Variants in PLXNA3 observed in about 807,000 individuals in gnomAD.
The protein encoded by PLXNA3 is plexin A3.
A neutral mutation model predicts 118.8 loss-of-function variants in PLXNA3; 52 were observed. That is an observed-to-expected ratio of 0.44 (90% CI 0.35 to 0.55). The LOEUF (loss-of-function observed/expected upper bound fraction) is 0.55, where lower values mean the gene tolerates loss of function less well. PLXNA3 is among the 20% of genes least tolerant of loss of function. The pLI is 0.01. For synonymous variants in PLXNA3, 925 were observed against 762.4 expected, an observed-to-expected ratio of 1.21 and a Z score of -3.51; for missense variants, 1,660 against 1,730.8, an observed-to-expected ratio of 0.96 and a Z score of 0.73.
chrX:154,466,520 G>A lies in PLXNA3; in HGVS notation c.2936+8G>A, dbSNP rs374246725. Reference sequence around the variant, plus strand: ...CGAGTGCCAGTTTGTAAGGTGGGCCGGGGCCCTGCCAGCTTTGGGTTGGGC... The same window carrying A: ...CGAGTGCCAGTTTGTAAGGTGGGCCAGGGCCCTGCCAGCTTTGGGTTGGGC... On this transcript the variant is annotated splice_region_variant and intron_variant, in intron 16 of 32. Coordinates refer to ENST00000369682, the MANE Select transcript of PLXNA3 (RefSeq NM_017514.5). 7.0e-4 allele frequency: 845 copies of A among 1,201,678 alleles called. No individual in the cohort carries two copies. The highest frequency in any genetic ancestry group is 9.3e-4 in the Non-Finnish European group (825 of 890,614).
In PLXNA3 at chrX:154,463,704, C is replaced by T; in HGVS notation, c.1547+14C>T. The T allele has an allele frequency of 8.6e-7, 1 of 1,165,372 alleles. No individual in the cohort carries two copies. Among genetic ancestry groups the T allele is most frequent in the Non-Finnish European group, 1.2e-6 (1 of 866,893 alleles). On this transcript the variant is annotated intron_variant, in intron 6 of 32. Coordinates refer to ENST00000369682, the MANE Select transcript of PLXNA3 (RefSeq NM_017514.5). ...GCTGCGACACAGGTGAGGGCGGGGACCCCTGCTCGGGGAGTTGGAGGGCCC... is the reference window on the plus strand; with the variant it reads ...GCTGCGACACAGGTGAGGGCGGGGATCCCTGCTCGGGGAGTTGGAGGGCCC...
chrX:154,464,222 G>A lies in PLXNA3; in HGVS notation c.1737G>A (p.Ala579=), dbSNP rs151275064. The change falls in exon 8 of 33, where the codon GCG becomes GCA. Residue 579 remains alanine, a synonymous_variant. Coordinates refer to ENST00000369682, the MANE Select transcript of PLXNA3 (RefSeq NM_017514.5). ...SAGVSCAFEA[A]AENEAVLLPS... Reference sequence around the variant, plus strand: ...GCGTGAGCTGCGCCTTCGAGGCGGCGGCGGAGAACGAGGCGGTCCTGCTGC... The same window carrying A: ...GCGTGAGCTGCGCCTTCGAGGCGGCAGCGGAGAACGAGGCGGTCCTGCTGC... 1.4e-3 allele frequency: 1,688 copies of A among 1,207,173 alleles called. No individual in the cohort carries two copies. The highest frequency in any genetic ancestry group is 1.8e-3 in the Non-Finnish European group (1,580 of 894,258).
Position 154,461,576 on chromosome X carries a change from C to A in PLXNA3, c.1072C>A (p.Arg358Ser). 1 of 1,206,860 alleles carries A rather than the reference C, an allele frequency of 8.3e-7. No homozygotes were observed. Among genetic ancestry groups the A allele is most frequent in the Non-Finnish European group, 1.1e-6 (1 of 895,070 alleles). The part of the protein sequence containing the change: ...HIRRRIQSCY[R>S]GEGTLALPWL... ...CCGGCGCCGCATCCAGTCCTGCTAT[C>A]GTGGGGAGGGCACTCTGGCTCTGCC... Residue 358 changes from arginine (R) to serine (S), a missense_variant, in exon 3 of 33, where the codon CGT becomes AGT. Transcript: ENST00000369682.
At chrX:154,460,866 G>A in intron 2 of PLXNA3, 89 bp downstream of exon 2, 1 of 728,457 alleles carries the variant, frequency 1.4e-6, no homozygotes, top group Non-Finnish European at 2.0e-6. Context: ...GGGACTTTCG[G>A]CTCCTCAGTG....
At position 154,471,157 on chromosome X, in the gene PLXNA3, G is replaced by A. The variant is rs1557209335; in HGVS notation, c.5209G>A (p.Asp1737Asn). 1.7e-6 allele frequency: 2 copies of A among 1,210,984 alleles called. No individual in the cohort carries two copies. Among genetic ancestry groups the A allele is most frequent in the Non-Finnish European group, 2.2e-6 (2 of 895,020 alleles). ...GATCAAGAACCCGCAGTTCGTGTTC[G>A]ACATCCACAAGAACAGCATCACGGA... ...NVIKNPQFVF[D>N]IHKNSITDAC... The change falls in exon 31 of 33, where the codon GAC becomes AAC. Residue 1737 changes from aspartate to asparagine, a missense_variant. Physicochemically the swap from Asp to Asn is conservative, Grantham distance 23. Transcript: ENST00000369682.
rs781867355 is a variant in PLXNA3, at chrX:154,460,173, G to C, written c.-11G>C. On this transcript the variant is annotated 5_prime_UTR_variant, in exon 2 of 33. Transcript: ENST00000369682. ...TCTCCCTAGGCCTGTCCCCAGGCGC[G>C]GCTGCCGGCCATGCCCTCTGTCTGC... The C allele has an allele frequency of 2.7e-5, 32 of 1,168,157 alleles. No homozygotes were observed. The highest frequency in any genetic ancestry group is 3.6e-5 in the Non-Finnish European group (31 of 861,290).
At position 154,467,938 on chromosome X, in the gene PLXNA3, C is replaced by G. The variant is rs1557207940; in HGVS notation, c.3757C>G (p.Leu1253Val). 8.3e-7 allele frequency: 1 copy of G among 1,211,099 alleles called. No homozygotes were observed. The highest frequency in any genetic ancestry group is 1.1e-6 in the Non-Finnish European group (1 of 895,292). Residue 1253 changes from leucine (L) to valine (V), a missense_variant, in exon 21 of 33, where the codon CTC becomes GTC. Physicochemically the swap from Leu to Val is conservative, Grantham distance 32. Transcript: ENST00000369682. ...KRKTQDADRTLKRLQLQMDNL... is the reference protein window; with the variant it reads ...KRKTQDADRTVKRLQLQMDNL... ...CAAGACTCAGGACGCGGACCGTACC[C>G]TCAAGCGTCTGCAGCTGCAGATGGA...
chrX:154,472,552 C>G, intron 32 of PLXNA3, 38 bp from the exon 33 acceptor site: 1 of 985,698 alleles, frequency 1.0e-6, no homozygotes, highest in Non-Finnish European at 1.4e-6. Context: ...AGCTGCGCCC[C>G]CTACAGAGCC....
intron 30 of PLXNA3, 200 bp downstream of exon 30, chrX:154,470,811 G>A: frequency 8.7e-6 from 4 of 459,438 alleles, no homozygotes; most frequent in East Asian, 3.7e-5. Context: ...CTGGGTGGGT[G>A]GGATGGTGGT....
In PLXNA3 at chrX:154,461,423, G is replaced by A. The variant is rs2068957955; in HGVS notation, c.919G>A (p.Ala307Thr). The A allele has an allele frequency of 8.3e-7, 1 of 1,211,395 alleles. No homozygotes were observed. Among genetic ancestry groups the A allele is most frequent in the Admixed American group, 2.2e-5 (1 of 46,155 alleles). ...CAAGCCTGGCCTGCTGCTGGCCCAG[G>A]CCCTGGGCGTGCCGGCTGATGAGGA... is the stretch of plus-strand genomic sequence containing the variant. ...LAKPGLLLAQ[A>T]LGVPADEDVL... Residue 307 changes from alanine to threonine, a missense_variant, in exon 3 of 33, where the codon GCC becomes ACC. Around this residue, in one of 2 missense-constraint regions of PLXNA3, gnomAD observed 791 missense variants for 652.1 expected, o/e 1.21. Coordinates refer to ENST00000369682, the MANE Select transcript of PLXNA3 (RefSeq NM_017514.5).
rs371203817 is a variant in PLXNA3 at position 154,460,760 on chromosome X, G to C, written c.577G>C (p.Ala193Pro). Reference sequence around the variant, plus strand: ...CAAGCTCATCAGTGATGAAGACAGCGCGGACATGTTCAGTCTCGTGCGTGA... The same window carrying C: ...CAAGCTCATCAGTGATGAAGACAGCCCGGACATGTTCAGTCTCGTGCGTGA... ...SRKLISDEDS[A>P]DMFSLVYQDE... The change falls in exon 2 of 33, where the codon GCG (alanine) becomes CCG (proline). Residue 193 changes from alanine (A) to proline (P), a missense_variant. Physicochemically the swap from Ala to Pro is conservative, Grantham distance 27. Coordinates refer to ENST00000369682, the MANE Select transcript of PLXNA3 (RefSeq NM_017514.5). 3.0e-5 allele frequency: 34 copies of C among 1,120,554 alleles called. No individual in the cohort carries two copies. In the South Asian group the frequency reaches 7.3e-4, roughly 24 times the overall value. The allele number at this position is 1,120,554 out of a possible 1,213,427, so 92.3% of individuals were successfully genotyped here.
At position 154,469,973 on chromosome X, in the gene PLXNA3, C is replaced by T; in HGVS notation, c.4796-4C>T. ...CTAAGGGTCACATGCATTCTCTGCT[C>T]CAGAGAGCTTGCTCCGCACGGCCAG... On this transcript the variant is annotated splice_region_variant and splice_polypyrimidine_tract_variant and intron_variant, in intron 28 of 32. Coordinates refer to ENST00000369682, the MANE Select transcript of PLXNA3 (RefSeq NM_017514.5). 8.3e-7 allele frequency: 1 copy of T among 1,209,873 alleles called. No individual in the cohort carries two copies. The highest frequency in any genetic ancestry group is 1.1e-6 in the Non-Finnish European group (1 of 894,207).
In PLXNA3 at chrX:154,463,435, C is replaced by A; in HGVS notation, c.1362C>A (p.Val454=). 1.7e-6 allele frequency: 2 copies of A among 1,209,595 alleles called. No homozygotes were observed. Among genetic ancestry groups the A allele is most frequent in the Non-Finnish European group, 2.2e-6 (2 of 894,568 alleles). The change falls in exon 5 of 33, where the codon GTC becomes GTA. Residue 454 remains valine, a synonymous_variant. Transcript: ENST00000369682. ...GFQDAHLYET[V]PVVDGSPILR... is the part of the protein sequence containing the mutation. ...AGGATGCCCACCTGTATGAGACAGTCCCCGTGGTGGATGGCAGCCCCATCC... is the reference window on the plus strand; with the variant it reads ...AGGATGCCCACCTGTATGAGACAGTACCCGTGGTGGATGGCAGCCCCATCC...
chrX:154,465,357 C>A, intron 11 of PLXNA3, 67 bp from the exon 12 acceptor site: 1 of 1,060,198 alleles, frequency 9.4e-7, no homozygotes, highest in Non-Finnish European at 1.3e-6. Flanking sequence ...AGGGGGGCAG[C>A]TGGCAAAAAT....
At position 154,461,346 on chromosome X, in the gene PLXNA3, G is replaced by C. The variant is rs1370809652; in HGVS notation, c.842G>C (p.Gly281Ala). 1.7e-6 allele frequency: 2 copies of C among 1,211,323 alleles called. No individual in the cohort carries two copies. Among genetic ancestry groups the C allele is most frequent in the East Asian group, 5.9e-5 (2 of 33,803 alleles). Residue 281 changes from glycine to alanine, a missense_variant, in exon 3 of 33, where the codon GGC becomes GCC. By Grantham distance (60) the Gly-to-Ala change is moderately conservative. This residue lies in a region of PLXNA3 where 791 missense variants were observed against 652.1 expected (regional missense o/e 1.21). Transcript: ENST00000369682. ...TACTCATACGTGGAATTCCCCATCG[G>C]CTGCTCCTGGCGCGGCGTGGAGTAC... ...EFYSYVEFPI[G>A]CSWRGVEYRL... is the part of the protein sequence containing the mutation.
intron 27 of PLXNA3, 44 bp downstream of exon 27, chrX:154,469,526 C>T: frequency 1.9e-6 from 2 of 1,066,736 alleles, no homozygotes; most frequent in Non-Finnish European, 2.6e-6. Context: ...ACCTGGGAGC[C>T]AGGACCCTGC....
In PLXNA3 at chrX:154,468,902, C is replaced by T. The variant is rs782309547; in HGVS notation, c.4367C>T (p.Thr1456Met). 1.7e-6 allele frequency: 2 copies of T among 1,211,513 alleles called. No homozygotes were observed. ...QMEKGPIDAI[T>M]GEARYSLSED... ...GAGAAGGGCCCCATTGATGCCATCA[C>T]GGGCGAGGCACGATACTCCCTGAGC... Residue 1456 changes from threonine (T) to methionine (M), a missense_variant, in exon 25 of 33, where the codon ACG becomes ATG. Around this residue, in one of 2 missense-constraint regions of PLXNA3, gnomAD observed 869 missense variants for 1,078.7 expected, o/e 0.81. Coordinates refer to ENST00000369682, the MANE Select transcript of PLXNA3 (RefSeq NM_017514.5).
chrX:154,468,843 C>T lies in PLXNA3; in HGVS notation c.4308C>T (p.Leu1436=). ...KFLKECAGEP[L]FLLYCAIKQQ... ...TGCAGGAGTGTGCTGGGGAGCCTCT[C>T]TTCCTGCTTTACTGTGCCATCAAGC... Residue 1436 remains leucine, a synonymous_variant, in exon 25 of 33, where the codon CTC becomes CTT. Transcript: ENST00000369682. 11 of 1,211,749 alleles carry T rather than the reference C, an allele frequency of 9.1e-6. No individual in the cohort carries two copies. The highest frequency in any genetic ancestry group is 2.3e-4 in the Middle Eastern group (1 of 4,346).
Position 154,462,318 on chromosome X carries a change from C to G in PLXNA3, c.1317+8C>G. The stretch of plus-strand genomic sequence containing the variant: ...AGCGGCAGCTTGAAGAAGGTGGCCC[C>G]CAGAGCCCTGGGCATGTGGGGGTGG... On this transcript the variant is annotated splice_region_variant and intron_variant, in intron 4 of 32. Coordinates refer to ENST00000369682, the MANE Select transcript of PLXNA3 (RefSeq NM_017514.5). 1 of 1,136,790 alleles carries G rather than the reference C, an allele frequency of 8.8e-7. No individual in the cohort carries two copies. The allele number at this position is 1,136,790 out of a possible 1,213,427, so 93.7% of individuals were successfully genotyped here.
Sources: gnomAD v4.1 joint callset for allele counts on GRCh38, gnomAD v4.1.1 for gene constraint, gnomAD v4.1.1 regional missense constraint, MANE v1.5 for transcripts, NCBI Gene and HGNC (gene_info 2026-07-23, HGNC 2026-07-21) for gene names.